Variants in NAALADL2 observed in about 807,000 individuals in gnomAD.
NAALADL2 encodes inactive N-acetylated-alpha-linked acidic dipeptidase-like protein 2.
In NAALADL2, 76 loss-of-function variants were observed where a neutral mutation model predicts 87.2. The ratio of observed to expected loss-of-function variants is 0.87; its 90% confidence interval spans 0.72 to 1.05. The LOEUF (loss-of-function observed/expected upper bound fraction) is 1.05. Among genes scored for constraint, NAALADL2 ranks in the 50% least tolerant of loss-of-function variants. The pLI is 0.00. For missense variants in NAALADL2, 1,089 were observed against 945.8 expected, an observed-to-expected ratio of 1.15 and a Z score of -1.99; for synonymous variants, 354 against 331.0, an observed-to-expected ratio of 1.07 and a Z score of -0.75.
intron 2 of NAALADL2, among the ~76,000 whole-genome samples, chr3:175,104,754 C>T (rs1317260798): frequency 1.3e-5 from 2 of 151,942 alleles, no homozygotes; most frequent in Non-Finnish European, 2.9e-5. Flanking sequence ...AGTGATGGCT[C>T]CTAAAGGAAG....
intron 3 of NAALADL2, among the ~76,000 whole-genome samples, chr3:174,783,622 T>C (rs1716264183): frequency 1.3e-5 from 2 of 152,074 alleles, no homozygotes; most frequent in African/African-American, 2.4e-5. Flanking sequence ...CTTTAATATA[T>C]ATATATTTTT....
intron 1 of NAALADL2, among the ~76,000 whole-genome samples, chr3:174,898,823 A>C (rs1731951127): frequency 6.6e-6 from 1 of 152,324 alleles, no homozygotes; most frequent in East Asian, 1.9e-4. Context: ...CTAAAAGAAA[A>C]GCAAGGAAAG....
chr3:175,347,030 A>G (rs1396916998), intron 5 of NAALADL2, among the ~76,000 whole-genome samples: 1 of 152,188 alleles, frequency 6.6e-6, no homozygotes, highest in Admixed American at 6.5e-5. Flanking sequence ...GATAAGGTGC[A>G]CAGAGGCAAG....
At chr3:175,013,101 TAC>T (rs369287374) in intron 1 of NAALADL2, among the ~76,000 whole-genome samples, 6,182 of 58,046 alleles carry the variant, frequency 0.11, 236 homozygotes, top group East Asian at 0.17. Context: ...TATATAAATA[TAC>T]ATATTTATAT....
chr3:174,537,254 A>C (rs952746054), intron 1 of NAALADL2, among the ~76,000 whole-genome samples: 6 of 152,174 alleles, frequency 3.9e-5, no homozygotes, highest in African/African-American at 1.4e-4. Flanking sequence ...ATTGCTAGCA[A>C]TTGTTTTTTA....
At chr3:174,608,225 A>G (rs1053859321) in intron 2 of NAALADL2, among the ~76,000 whole-genome samples, 2 of 152,126 alleles carry the variant, frequency 1.3e-5, no homozygotes, top group African/African-American at 2.4e-5. Flanking sequence ...GAAAGATACA[A>G]AATTGACACC....
intron 13 of NAALADL2, among the ~76,000 whole-genome samples, chr3:175,787,791 A>G (rs1011018709): frequency 2.6e-5 from 4 of 152,230 alleles, no homozygotes; most frequent in Non-Finnish European, 5.9e-5. Context: ...ATTTTTCAGC[A>G]GTAAAATATG....
At chr3:175,050,638 A>G (rs1755261131) in intron 1 of NAALADL2, among the ~76,000 whole-genome samples, 1 of 152,186 alleles carries the variant, frequency 6.6e-6, no homozygotes. Flanking sequence ...TTAAAGTCCC[A>G]GTTTCTGAAA....
At chr3:174,819,681 A>C (rs2109326397) in intron 3 of NAALADL2, among the ~76,000 whole-genome samples, 1 of 152,222 alleles carries the variant, frequency 6.6e-6, no homozygotes, top group South Asian at 2.1e-4. Context: ...TGAACCAGAA[A>C]ACTCTTTCCT....
At chr3:175,609,771 A>G (rs2149669666) in intron 10 of NAALADL2, among the ~76,000 whole-genome samples, 1 of 152,232 alleles carries the variant, frequency 6.6e-6, no homozygotes, top group South Asian at 2.1e-4. Flanking sequence ...TCCCTCTCCC[A>G]TCTCCCTTCC....
intron 11 of NAALADL2, among the ~76,000 whole-genome samples, chr3:175,699,582 C>T (rs987890718): frequency 4.6e-5 from 7 of 152,120 alleles, no homozygotes; most frequent in Non-Finnish European, 1.0e-4. Context: ...AAATTCACTT[C>T]TCCGATTATT....
At chr3:175,632,266 TTCTCTCTC>T (rs61458338) in intron 11 of NAALADL2, among the ~76,000 whole-genome samples, 2,082 of 129,528 alleles carry the variant, frequency 0.016, 32 homozygotes, top group African/African-American at 0.038. Context: ...CACTTTCCCC[TTCTCTCTC>T]TCTCTCTCTC....
In NAALADL2 at chr3:174,629,204, G is replaced by A. The variant is rs574963585; in HGVS notation, c.-115+78567G>A. ...ATTTAACAAGTTGATTTTCCTTTGT[G>A]TAGAAAGAAATACTAGAAACATAGA... On this transcript the variant is annotated intron_variant, in intron 2 of 3. Transcript: ENST00000434257. Among the ~76,000 whole-genome samples, 4 of 152,240 alleles carry A rather than the reference G, an allele frequency of 2.6e-5. No homozygotes were observed. The South Asian group carries it at 8.3e-4, about 32-fold the overall frequency.
At chr3:175,314,889 A>C (rs1375223414) in intron 4 of NAALADL2, among the ~76,000 whole-genome samples, 1 of 151,232 alleles carries the variant, frequency 6.6e-6, no homozygotes, top group Non-Finnish European at 1.5e-5. Flanking sequence ...ACTCGACAAC[A>C]ATAGAAATAT....
intron 10 of NAALADL2, 100 bp downstream of exon 10, chr3:175,576,287 A>G: frequency 9.1e-7 from 1 of 1,097,610 alleles, no homozygotes. Flanking sequence ...CAAATAGGTC[A>G]CTATAGAAAA....
At chr3:174,931,782 G>A (rs1163340994) in intron 1 of NAALADL2, among the ~76,000 whole-genome samples, 2 of 152,144 alleles carry the variant, frequency 1.3e-5, no homozygotes, top group East Asian at 3.9e-4. Context: ...GGTGAAAAAA[G>A]AGGTATGAAA....
intron 9 of NAALADL2, among the ~76,000 whole-genome samples, chr3:175,508,339 C>T (rs547766592): frequency 7.2e-5 from 11 of 152,110 alleles, no homozygotes; most frequent in Non-Finnish European, 8.8e-5. Flanking sequence ...CTATGGGTGT[C>T]GACTACCATC....
At chr3:174,758,965 C>T (rs1712509733) in intron 3 of NAALADL2, among the ~76,000 whole-genome samples, 1 of 152,056 alleles carries the variant, frequency 6.6e-6, no homozygotes, top group South Asian at 2.1e-4. Context: ...TAATTTTTAA[C>T]AGGTTTAAGA....
chr3:175,212,356 T>A (rs1741885496), intron 2 of NAALADL2, among the ~76,000 whole-genome samples: 1 of 151,918 alleles, frequency 6.6e-6, no homozygotes, highest in Non-Finnish European at 1.5e-5. Flanking sequence ...ATGAGTTATA[T>A]CCCATTAACT....
Sources: allele counts gnomAD v4.1 joint callset (sites outside exome capture counted in the v4.1 genomes callset), GRCh38; gene constraint gnomAD v4.1.1; transcripts MANE v1.5; gene names NCBI Gene and HGNC (gene_info 2026-07-23, HGNC 2026-07-21).